Variants in NEK5 observed in about 807,000 individuals in gnomAD.
The protein encoded by NEK5 is NIMA related kinase 5.
In NEK5, 88 loss-of-function variants were observed where a neutral mutation model predicts 109.2. The ratio of observed to expected loss-of-function variants is 0.81; its 90% CI spans 0.68 to 0.96. The LOEUF (loss-of-function observed/expected upper bound fraction) is 0.96, where lower values mean the gene tolerates loss of function less well. NEK5 is among the 40% of genes least tolerant of loss of function. The pLI, the probability that NEK5 is intolerant of heterozygous loss-of-function variation, is 0.00. For synonymous variants in NEK5, 283 were observed against 299.9 expected, an observed-to-expected ratio of 0.94 and a Z score of 0.58; for missense variants, 834 against 920.7, an observed-to-expected ratio of 0.91 and a Z score of 1.22.
intron 23 of NEK5, among the ~76,000 whole-genome samples, chr13:52,049,543 A>G (rs917301477): frequency 1.2e-4 from 18 of 152,052 alleles, no homozygotes; most frequent in Admixed American, 1.3e-4. Context: ...CGTTTCTCAT[A>G]CTTTATAAGA....
At chr13:52,044,127 C>T (rs1954437366) in intron 23 of NEK5, among the ~76,000 whole-genome samples, 1 of 152,236 alleles carries the variant, frequency 6.6e-6, no homozygotes, top group South Asian at 2.1e-4. Flanking sequence ...TCGCAGCCTA[C>T]AGCTTTCTCC....
intron 23 of NEK5, among the ~76,000 whole-genome samples, chr13:52,045,944 G>A (rs906517240): frequency 6.6e-6 from 1 of 150,728 alleles, no homozygotes; most frequent in African/African-American, 2.4e-5. Flanking sequence ...GGTGGTGTGC[G>A]CCTGTAATCC....
chr13:52,122,564 C>T (rs1955990864), intron 3 of NEK5, among the ~76,000 whole-genome samples: 1 of 152,122 alleles, frequency 6.6e-6, no homozygotes, highest in Admixed American at 6.5e-5. Flanking sequence ...GTCAGTAGTT[C>T]GAGACCAGCC....
chr13:52,113,201 C>T (rs1470535513), intron 4 of NEK5, among the ~76,000 whole-genome samples: 1 of 151,950 alleles, frequency 6.6e-6, no homozygotes, highest in East Asian at 1.9e-4. Context: ...GGATTATGTA[C>T]AGACTATCCA....
At chr13:52,051,027 G>GT (rs747213194) in intron 22 of NEK5, among the ~76,000 whole-genome samples, 3 of 147,262 alleles carry the variant, frequency 2.0e-5, no homozygotes, top group Non-Finnish European at 4.5e-5. Flanking sequence ...CCTAGTGTTC[G>GT]TTTTTTAATA....
intron 17 of NEK5, among the ~76,000 whole-genome samples, chr13:52,080,557 T>C (rs1463296958): frequency 2.6e-5 from 4 of 152,234 alleles, no homozygotes; most frequent in Non-Finnish European, 4.4e-5. Context: ...AGAAAAATTC[T>C]TCTGCCTTGT....
At chr13:52,126,543 C>T (rs1452889061) in intron 3 of NEK5, among the ~76,000 whole-genome samples, 1 of 152,130 alleles carries the variant, frequency 6.6e-6, no homozygotes, top group Non-Finnish European at 1.5e-5. Flanking sequence ...TTTGGGAGGC[C>T]AAGGCGGGCA....
At position 52,049,413 on chromosome 13, in the gene NEK5, G is replaced by C. The variant is rs537194682; in HGVS notation, c.2228+691C>G. ...CACTCCAGCCTGGGCAACAGAGTGA[G>C]GCTCTGTCTCAAATAATAATAATAA... On this transcript the variant is annotated intron_variant, in intron 23 of 23. Coordinates refer to ENST00000684899, the MANE Select transcript of NEK5 (RefSeq NM_001365552.1). 2.6e-5 allele frequency among the ~76,000 whole-genome samples: 4 copies of C among 152,038 alleles called. No individual in the cohort carries two copies. In the South Asian group the frequency reaches 6.2e-4, roughly 24 times the overall value.
intron 22 of NEK5, among the ~76,000 whole-genome samples, chr13:52,051,562 T>C (rs765600732): frequency 6.6e-6 from 1 of 152,180 alleles, no homozygotes; most frequent in Non-Finnish European, 1.5e-5. Flanking sequence ...AGGGATTACA[T>C]TGTACTGTGA....
intron 13 of NEK5, among the ~76,000 whole-genome samples, chr13:52,090,650 C>A (rs540455279): frequency 2.6e-5 from 4 of 152,268 alleles, no homozygotes; most frequent in African/African-American, 9.6e-5. Flanking sequence ...AAAAATGATT[C>A]CAACACCCAG....
chr13:52,110,315 G>T, intron 7 of NEK5, 25 bp downstream of exon 7: 1 of 1,510,918 alleles, frequency 6.6e-7, no homozygotes, highest in Non-Finnish European at 9.2e-7. Flanking sequence ...TGACTAGAAA[G>T]AAAAATTATT....
At chr13:52,094,995 G>A (rs180807949) in intron 12 of NEK5, among the ~76,000 whole-genome samples, 124 of 152,206 alleles carry the variant, frequency 8.1e-4, no homozygotes, top group African/African-American at 2.6e-3. Flanking sequence ...ATAGCTCATC[G>A]CAGCTTCAAA....
At chr13:52,121,318 C>T (rs540634251) in intron 3 of NEK5, among the ~76,000 whole-genome samples, 1 of 152,050 alleles carries the variant, frequency 6.6e-6, no homozygotes, top group East Asian at 1.9e-4. Flanking sequence ...ACCATCATAC[C>T]CGGCTAATTT....
intron 3 of NEK5, among the ~76,000 whole-genome samples, chr13:52,126,372 T>C (rs79417086): frequency 0.021 from 3,243 of 152,362 alleles, 84 homozygotes; most frequent in Admixed American, 0.084. Context: ...AATAAATGTG[T>C]TTAGCACCTA....
chr13:52,063,628 G>A lies in NEK5; in HGVS notation c.1976-1675C>T, dbSNP rs1425909944. On this transcript the variant is annotated intron_variant, in intron 21 of 23. Coordinates refer to ENST00000684899, the MANE Select transcript of NEK5 (RefSeq NM_001365552.1). ...GCCGCCATCCCATCTAGGAAGTGAG[G>A]AGCATCTCTGCCCGGCCACCCATCG... Among the ~76,000 whole-genome samples the A allele has an allele frequency of 1.3e-4, 20 of 151,458 alleles. 1 individual carries two copies. In the South Asian group the frequency reaches 2.9e-3, roughly 22 times the overall value.
At chr13:52,104,357 A>G in intron 9 of NEK5, 141 bp downstream of exon 9, 1 of 711,440 alleles carries the variant, frequency 1.4e-6, no homozygotes. Context: ...TTTCCATGTC[A>G]TCTATCATTA....
intron 23 of NEK5, among the ~76,000 whole-genome samples, chr13:52,041,445 A>C (rs992490483): frequency 6.6e-6 from 1 of 152,148 alleles, no homozygotes; most frequent in African/African-American, 2.4e-5. Context: ...CTTAGAAAAC[A>C]GTATTCAAGG....
At chr13:52,108,437 G>T in intron 7 of NEK5, 33 bp from the exon 8 acceptor site, 1 of 1,346,840 alleles carries the variant, frequency 7.4e-7, no homozygotes, top group South Asian at 1.2e-5. Context: ...AAATCAGCAT[G>T]ATTTTTTATT....
chr13:52,043,414 G>A (rs1458292442), intron 23 of NEK5, among the ~76,000 whole-genome samples: 15 of 151,224 alleles, frequency 9.9e-5, no homozygotes, highest in Admixed American at 4.6e-4. Flanking sequence ...GCAGGTACCT[G>A]TAATCCCAGC....
Sources: gnomAD v4.1 joint callset for allele counts (sites outside exome capture counted in the v4.1 genomes callset) on GRCh38, gnomAD v4.1.1 for gene constraint, MANE v1.5 for transcripts, NCBI Gene and HGNC (gene_info 2026-07-23, HGNC 2026-07-21) for gene names.